Variants in LMNA observed in about 807,000 individuals in gnomAD.
LMNA encodes lamin A/C, also known as lamin.
Under a neutral mutation model 70.4 loss-of-function variants are expected in LMNA, and 20 were observed. The observed-to-expected ratio is 0.28, with a 90% CI of 0.20 to 0.41. The LOEUF (loss-of-function observed/expected upper bound fraction) is 0.41. Among genes scored for constraint, LMNA ranks in the 10% least tolerant of loss-of-function variants. The probability of loss-of-function intolerance (pLI) is 1.00; values close to 1 mark genes in which losing one functional copy is unlikely to be tolerated. For missense variants in LMNA, 652 were observed against 917.2 expected (o/e 0.71, Z 3.73); for synonymous variants, 339 against 372.8 (o/e 0.91, Z 1.04).
At position 156,115,388 on chromosome 1, in the gene LMNA, CAT is replaced by C. The variant is rs1649757794; in HGVS notation, c.356+116_356+117del. The C allele has an allele frequency of 4.3e-6, 4 of 939,672 alleles. No individual in the cohort carries two copies. Among genetic ancestry groups the C allele is most frequent in the East Asian group, 2.6e-5 (1 of 38,212 alleles). 58.2% of individuals were successfully genotyped at this position (939,672 alleles called of 1,614,324 possible). A position where few individuals can be genotyped will look rare whatever the true frequency, so the allele number is the denominator to read the frequency against. Reference sequence around the variant, plus strand: ...AGGGCCTGGAGGCCGATAACTTTGCCATAGTCTCCTCCCTCCCCGGAACTGCC... The same window carrying C: ...AGGGCCTGGAGGCCGATAACTTTGCCAGTCTCCTCCCTCCCCGGAACTGCC... On this transcript the variant is annotated intron_variant, in intron 1 of 11. Coordinates refer to ENST00000368300, the MANE Select transcript of LMNA (RefSeq NM_170707.4). This position sits in a 1 kb window ranked among gnomAD's most constrained non-coding sequence, Gnocchi z 5.8.
rs34451254 is a variant in LMNA, at chr1:156,132,837, CTT to C, written c.514-1547_514-1546del. ...GCCATGTTCTCCTCTCTCTCTCTCTCTTTTTTTTTTTTTTTTTTTTGAGATGG... is the reference window on the plus strand; with the variant it reads ...GCCATGTTCTCCTCTCTCTCTCTCTCTTTTTTTTTTTTTTTTTTGAGATGG... On this transcript the variant is annotated intron_variant, in intron 2 of 11. Transcript: ENST00000368300. Among the ~76,000 whole-genome samples, 125 of 93,042 alleles carry C rather than the reference CTT, an allele frequency of 1.3e-3. 1 individual carries two copies. Among genetic ancestry groups the C allele is most frequent in the East Asian group, 0.012 (33 of 2,808 alleles). 61.0% of individuals were successfully genotyped at this position (93,042 alleles called of 152,430 possible).
At chr1:156,116,780 T>C (rs546003241) in intron 1 of LMNA, among the ~76,000 whole-genome samples, 1 of 152,176 alleles carries the variant, frequency 6.6e-6, no homozygotes, top group African/African-American at 2.4e-5. Flanking sequence ...GTCAGGCTAG[T>C]CTTGAACTCC....
Position 156,134,621 on chromosome 1 carries a change from C to A in LMNA, c.639+93C>A. The A allele has an allele frequency of 6.3e-7, 1 of 1,583,330 alleles. No individual in the cohort carries two copies. Among genetic ancestry groups the A allele is most frequent in the Non-Finnish European group, 8.7e-7 (1 of 1,155,988 alleles). On this transcript the variant is annotated intron_variant, in intron 3 of 11. Coordinates refer to ENST00000368300, the MANE Select transcript of LMNA (RefSeq NM_170707.4). This position sits in a 1 kb window ranked among gnomAD's most constrained non-coding sequence, Gnocchi z 5.3. ...GGGACCAGCTGTGTGCAGAGCTCGCCTTCCTGAGTCCCTTGCCCTAGTGGA... is the reference window on the plus strand; with the variant it reads ...GGGACCAGCTGTGTGCAGAGCTCGCATTCCTGAGTCCCTTGCCCTAGTGGA...
At chr1:156,097,431 T>C (rs1329137221) in intron 3 of LMNA, among the ~76,000 whole-genome samples, 1 of 152,216 alleles carries the variant, frequency 6.6e-6, no homozygotes, top group Non-Finnish European at 1.5e-5. Context: ...TGAGCCCCAA[T>C]AAGGGGCAGG....
At chr1:156,116,959 A>G (rs1649866195) in intron 1 of LMNA, among the ~76,000 whole-genome samples, 1 of 146,406 alleles carries the variant, frequency 6.8e-6, no homozygotes, top group African/African-American at 2.5e-5. Context: ...TGTCACCCAG[A>G]CTGGAGTGAA....
At chr1:156,096,238 C>T (rs1289943494) in intron 3 of LMNA, among the ~76,000 whole-genome samples, 1 of 152,234 alleles carries the variant, frequency 6.6e-6, no homozygotes. Context: ...CTGGAACACA[C>T]TTGCTTCTCC....
At position 156,137,344 on chromosome 1, in the gene LMNA, T is replaced by G. The variant is rs1651749386; in HGVS notation, c.1608+112T>G. 1.4e-6 allele frequency: 2 copies of G among 1,394,830 alleles called. No homozygotes were observed. Among genetic ancestry groups the G allele is most frequent in the Non-Finnish European group, 2.0e-6 (2 of 1,020,200 alleles). 86.4% of individuals were successfully genotyped at this position (1,394,830 alleles called of 1,614,324 possible). A position where few individuals can be genotyped will look rare whatever the true frequency, so the allele number is the denominator to read the frequency against. ...CCAATTCAGGGCCCCTTTCTAGAGC[T>G]CTCTGTTGCAGGCTCCAGACTTCTC... On this transcript the variant is annotated intron_variant, in intron 9 of 11. Coordinates refer to ENST00000368300, the MANE Select transcript of LMNA (RefSeq NM_170707.4). The surrounding 1 kb of genome is among the most constrained non-coding windows in gnomAD (Gnocchi z 4.6).
At chr1:156,133,923 G>T (rs950642995) in intron 2 of LMNA, among the ~76,000 whole-genome samples, 1 of 152,284 alleles carries the variant, frequency 6.6e-6, no homozygotes, top group Middle Eastern at 3.4e-3. Context: ...GCATACTTTG[G>T]TTCCTTCTCT....
At chr1:156,113,769 A>C (rs1649627560), upstream of LMNA, among the ~76,000 whole-genome samples, 1 of 152,164 alleles carries the variant, frequency 6.6e-6, no homozygotes, top group African/African-American at 2.4e-5. Flanking sequence ...AACGTAATGA[A>C]TGCATGCACA....
In LMNA at chr1:156,126,328, A is replaced by G. The variant is rs953253105; in HGVS notation, c.357-4289A>G. 18 of 896,940 alleles carry G rather than the reference A, an allele frequency of 2.0e-5. No individual in the cohort carries two copies. The Admixed American group carries it at 2.0e-4, about 10-fold the overall frequency. The allele number at this position is 896,940 out of a possible 1,614,324, so 55.6% of individuals were successfully genotyped here. On this transcript the variant is annotated intron_variant, in intron 1 of 11. Transcript: ENST00000368300. The stretch of plus-strand genomic sequence containing the variant: ...CCTCCCACTTGTTATTTTTAGCTAC[A>G]GTGTCTGTCCCTCTTGCTTCTCCCC...
In LMNA at chr1:156,135,136, C is replaced by T. The variant is rs1286346055; in HGVS notation, c.811-51C>T. 1.2e-6 allele frequency: 2 copies of T among 1,613,490 alleles called. No homozygotes were observed. Among genetic ancestry groups the T allele is most frequent in the Non-Finnish European group, 1.7e-6 (2 of 1,179,840 alleles). On this transcript the variant is annotated intron_variant, in intron 4 of 11. Coordinates refer to ENST00000368300, the MANE Select transcript of LMNA (RefSeq NM_170707.4). The surrounding 1 kb of genome is among the most constrained non-coding windows in gnomAD (Gnocchi z 4.8). ...CAGTGATGCCCAACTCAGGCCTGTG[C>T]CTCCACCCCTCCCAGTCACCACAGT...
chr1:156,084,435 G>T (rs1648407581), intron 2 of LMNA, among the ~76,000 whole-genome samples: 2 of 152,026 alleles, frequency 1.3e-5, no homozygotes, highest in African/African-American at 4.8e-5. Flanking sequence ...GGGTCCTGGA[G>T]TTGGGGAAGT....
intron 1 of LMNA, among the ~76,000 whole-genome samples, chr1:156,129,526 A>G (rs577319436): frequency 1.6e-4 from 25 of 151,970 alleles, no homozygotes; most frequent in African/African-American, 5.1e-4. Context: ...CCTTTTTTCC[A>G]TCTGCTGTGG....
chr1:156,132,998 C>T (rs1056708926), intron 2 of LMNA, among the ~76,000 whole-genome samples: 3 of 151,942 alleles, frequency 2.0e-5, no homozygotes, highest in Admixed American at 2.0e-4. Flanking sequence ...CACCACCATG[C>T]CCAGCTACTT....
upstream of LMNA, among the ~76,000 whole-genome samples, chr1:156,113,155 T>C (rs184979044): frequency 6.6e-6 from 1 of 151,712 alleles, no homozygotes; most frequent in East Asian, 1.9e-4. Flanking sequence ...AAAAAAAAAA[T>C]TAGCTGGGCT....
intron 3 of LMNA, among the ~76,000 whole-genome samples, chr1:156,107,284 C>G (rs760283495): frequency 1.6e-4 from 25 of 152,220 alleles, no homozygotes; most frequent in Non-Finnish European, 3.2e-4. Context: ...GCAGCCACTT[C>G]CCGACTTTGT....
At chr1:156,102,779 G>A (rs1289782212) in intron 3 of LMNA, among the ~76,000 whole-genome samples, 2 of 152,206 alleles carry the variant, frequency 1.3e-5, no homozygotes. Flanking sequence ...AGGGGGCAGT[G>A]AGTCACGTTT....
At chr1:156,105,759 G>C (rs1347193255) in intron 3 of LMNA, among the ~76,000 whole-genome samples, 1 of 152,136 alleles carries the variant, frequency 6.6e-6, no homozygotes, top group Non-Finnish European at 1.5e-5. Context: ...TTCTTAAAGA[G>C]GGCCTCCCCA....
Position 156,136,748 on chromosome 1 carries a change from T to A in LMNA, c.1381-173T>A. The A allele has an allele frequency of 1.4e-6, 1 of 709,956 alleles. No homozygotes were observed. The highest frequency in any genetic ancestry group is 2.5e-6 in the Non-Finnish European group (1 of 393,880). 44.0% of individuals were successfully genotyped at this position (709,956 alleles called of 1,614,324 possible). On this transcript the variant is annotated intron_variant, in intron 7 of 11. Coordinates refer to ENST00000368300, the MANE Select transcript of LMNA (RefSeq NM_170707.4). This position sits in a 1 kb window ranked among gnomAD's most constrained non-coding sequence, Gnocchi z 6.1. ...GTATCCGTGTGCCTGGTGCTGCGTA[T>A]GTGTCCACAGATCATGGCTATTATC...
Sources: gnomAD v4.1 joint callset for allele counts (sites outside exome capture counted in the v4.1 genomes callset) on GRCh38, gnomAD v4.1.1 for gene constraint, Gnocchi (gnomAD v3.1) non-coding constraint, MANE v1.5 for transcripts, NCBI Gene and HGNC (gene_info 2026-07-23, HGNC 2026-07-21) for gene names.